Variants in TSPAN5 observed in about 807,000 individuals in gnomAD.
TSPAN5 encodes tetraspanin 5, also known as tetraspanin-5.
TSPAN5 carries 10 observed loss-of-function variants against 37.1 expected under a neutral mutation model. The observed-to-expected ratio is 0.27, with a 90% CI of 0.17 to 0.46. The LOEUF (loss-of-function observed/expected upper bound fraction) is 0.46, where lower values mean the gene tolerates loss of function less well. Among genes scored for constraint, TSPAN5 ranks in the 20% least tolerant of loss-of-function variants. The pLI is 1.00. For synonymous variants in TSPAN5, 110 were observed against 118.9 expected, an observed-to-expected ratio of 0.93 and a Z score of 0.48; for missense variants, 195 against 326.6, an observed-to-expected ratio of 0.60 and a Z score of 3.11.
intron 2 of TSPAN5, among the ~76,000 whole-genome samples, chr4:98,500,792 C>A (rs1371719699): frequency 6.6e-6 from 1 of 152,112 alleles, no homozygotes; most frequent in Admixed American, 6.6e-5. Context: ...GTGTAGGAGG[C>A]ATTGTGGTAG....
chr4:98,500,807 T>G (rs1753330281), intron 2 of TSPAN5, among the ~76,000 whole-genome samples: 1 of 152,154 alleles, frequency 6.6e-6, no homozygotes, highest in Non-Finnish European at 1.5e-5. Context: ...TGGTAGGAAC[T>G]GAGAATAAAG....
intron 1 of TSPAN5, among the ~76,000 whole-genome samples, chr4:98,647,647 G>A (rs2110286501): frequency 6.6e-6 from 1 of 152,202 alleles, no homozygotes; most frequent in East Asian, 1.9e-4. Flanking sequence ...TTCCAATGAA[G>A]AGAGCCAAAA....
At chr4:98,550,340 T>C (rs1479737753) in intron 1 of TSPAN5, among the ~76,000 whole-genome samples, 1 of 152,214 alleles carries the variant, frequency 6.6e-6, no homozygotes, top group Non-Finnish European at 1.5e-5. Flanking sequence ...TTTTTCTTTT[T>C]GCTTAGGATT....
chr4:98,598,805 TGA>T (rs1384274732), intron 1 of TSPAN5, among the ~76,000 whole-genome samples: 3 of 152,154 alleles, frequency 2.0e-5, no homozygotes, highest in African/African-American at 7.2e-5. Context: ...TTCAGGTATT[TGA>T]GAGAGAGTCT....
At chr4:98,626,891 T>TC (rs1018561352) in intron 1 of TSPAN5, among the ~76,000 whole-genome samples, 197 of 149,412 alleles carry the variant, frequency 1.3e-3, no homozygotes, top group Non-Finnish European at 2.0e-3. Flanking sequence ...AGCAGGTTTT[T>TC]TTTTTTTTTT....
chr4:98,652,795 C>T (rs1032067190), intron 1 of TSPAN5, among the ~76,000 whole-genome samples: 20 of 152,356 alleles, frequency 1.3e-4, no homozygotes, highest in African/African-American at 4.6e-4. Context: ...CAGGGACTAC[C>T]TATTACTGTG....
intron 2 of TSPAN5, among the ~76,000 whole-genome samples, chr4:98,497,316 CAAAAAAAAAA>C (rs398051229): frequency 2.9e-5 from 3 of 101,864 alleles, no homozygotes; most frequent in African/African-American, 1.1e-4. Context: ...GACTCCATCT[CAAAAAAAAAA>C]AAAAAAAAAG....
chr4:98,497,399 G>A (rs1417639787), intron 2 of TSPAN5, among the ~76,000 whole-genome samples: 4 of 151,780 alleles, frequency 2.6e-5, no homozygotes, highest in African/African-American at 4.8e-5. Context: ...GCAAAAAGGC[G>A]GCTGCAAACC....
intron 1 of TSPAN5, among the ~76,000 whole-genome samples, chr4:98,533,023 A>C (rs111278952): frequency 0.39 from 59,292 of 152,052 alleles, 12,131 homozygotes; most frequent in South Asian, 0.54. Flanking sequence ...CCAGCCTTGC[A>C]TCCCAGGGAT....
intron 7 of TSPAN5, among the ~76,000 whole-genome samples, chr4:98,474,578 G>A (rs1482887943): frequency 6.6e-6 from 1 of 152,018 alleles, no homozygotes; most frequent in Admixed American, 6.6e-5. Flanking sequence ...AAACTCCTGA[G>A]CTCAAGTGAT....
At chr4:98,634,378 T>C (rs891366120) in intron 1 of TSPAN5, among the ~76,000 whole-genome samples, 40 of 152,350 alleles carry the variant, frequency 2.6e-4, no homozygotes, top group African/African-American at 9.1e-4. Flanking sequence ...GTCTGGATTA[T>C]AGCATATAAA....
intron 1 of TSPAN5, among the ~76,000 whole-genome samples, chr4:98,510,253 TG>T (rs1322029492): frequency 6.6e-6 from 1 of 152,188 alleles, no homozygotes; most frequent in East Asian, 1.9e-4. Context: ...AGCAGAGACT[TG>T]AACAAGAGAA....
At chr4:98,554,477 A>G (rs1228769353) in intron 1 of TSPAN5, among the ~76,000 whole-genome samples, 1 of 152,220 alleles carries the variant, frequency 6.6e-6, no homozygotes, top group African/African-American at 2.4e-5. Flanking sequence ...CTAACGCGCT[A>G]ATCATACTCA....
At position 98,478,783 on chromosome 4, in the gene TSPAN5, C is replaced by T; in HGVS notation, c.478G>A (p.Asp160Asn). The T allele has an allele frequency of 6.2e-7, 1 of 1,614,040 alleles. No homozygotes were observed. Among genetic ancestry groups the T allele is most frequent in the Non-Finnish European group, 8.5e-7 (1 of 1,180,030 alleles). Residue 160 changes from aspartate to asparagine, a missense_variant, in exon 5 of 8, where the codon GAT (aspartate) becomes AAT (asparagine). Coordinates refer to ENST00000305798, the MANE Select transcript of TSPAN5 (RefSeq NM_005723.4). ...AAGTAAATATTTAGGTTCCAATCAT[C>T]AGCTCCAAAAGCCCCACAGCACTGC... ...YWQCCGAFGA[D>N]DWNLNIYFNC...
In TSPAN5 at chr4:98,638,472, G is replaced by A. The variant is rs940791129; in HGVS notation, c.81+19674C>T. Among the ~76,000 whole-genome samples, 8 of 152,280 alleles carry A rather than the reference G, an allele frequency of 5.3e-5. No individual in the cohort carries two copies. The East Asian group carries it at 1.3e-3, about 26-fold the overall frequency. ...CCTCCTAAACAAGACACATCTGAACGCATTTAACTGGCTAGGTATCAACTT... is the reference window on the plus strand; with the variant it reads ...CCTCCTAAACAAGACACATCTGAACACATTTAACTGGCTAGGTATCAACTT... On this transcript the variant is annotated intron_variant, in intron 1 of 7. Coordinates refer to ENST00000305798, the MANE Select transcript of TSPAN5 (RefSeq NM_005723.4).
intron 1 of TSPAN5, among the ~76,000 whole-genome samples, chr4:98,515,741 T>G (rs1451739108): frequency 8.2e-6 from 1 of 121,664 alleles, no homozygotes; most frequent in Non-Finnish European, 1.7e-5. Flanking sequence ...TCTCCTCAAT[T>G]TCAGCTTGAG....
At chr4:98,562,439 G>A (rs1164531369) in intron 1 of TSPAN5, among the ~76,000 whole-genome samples, 1 of 152,146 alleles carries the variant, frequency 6.6e-6, no homozygotes, top group Non-Finnish European at 1.5e-5. Flanking sequence ...AAGGCAGGCG[G>A]ATCACAAGGT....
At chr4:98,651,227 G>C (rs1227832789) in intron 1 of TSPAN5, among the ~76,000 whole-genome samples, 1 of 152,164 alleles carries the variant, frequency 6.6e-6, no homozygotes, top group Admixed American at 6.5e-5. Flanking sequence ...TGCACAGCCT[G>C]AATCTAAGCT....
chr4:98,533,939 T>TAAGAAAAAAA (rs1488955038), intron 1 of TSPAN5, among the ~76,000 whole-genome samples: 1 of 31,148 alleles, frequency 3.2e-5, no homozygotes, highest in Non-Finnish European at 5.0e-5. Flanking sequence ...TTGTTGATCT[T>TAAGAAAAAAA]AAAAAAAAAA....
Sources: allele counts gnomAD v4.1 joint callset (sites outside exome capture counted in the v4.1 genomes callset), GRCh38; gene constraint gnomAD v4.1.1; transcripts MANE v1.5; gene names NCBI Gene and HGNC (gene_info 2026-07-23, HGNC 2026-07-21).